The following CFAP20DC variants were observed in gnomAD, a reference collection of about 807,000 sequenced individuals.
The protein encoded by CFAP20DC is protein CFAP20DC.
In CFAP20DC, 84 loss-of-function variants were observed where a neutral mutation model predicts 101.7. That is an observed-to-expected ratio of 0.83 (90% CI 0.69 to 0.99). The LOEUF (loss-of-function observed/expected upper bound fraction) is 0.99, where lower values mean the gene tolerates loss of function less well. Ranked by LOEUF, CFAP20DC falls within the 50% of genes least tolerant of loss-of-function variation. CFAP20DC has a pLI of 0.00. For missense variants in CFAP20DC, 1,007 were observed against 970.3 expected, an observed-to-expected ratio of 1.04 and a Z score of -0.50; for synonymous variants, 359 against 351.2, an observed-to-expected ratio of 1.02 and a Z score of -0.25.
chr3:58,921,157 C>A (rs1250488619), intron 5 of CFAP20DC, among the ~76,000 whole-genome samples: 1 of 151,760 alleles, frequency 6.6e-6, no homozygotes. Context: ...CTTGATTAGT[C>A]TAGCTAGTGA....
intron 15 of CFAP20DC, among the ~76,000 whole-genome samples, chr3:58,787,934 C>G (rs2072509667): frequency 6.9e-6 from 1 of 143,898 alleles, no homozygotes; most frequent in Admixed American, 7.2e-5. Flanking sequence ...GGGAGTTGAA[C>G]AATGAGAACA....
At chr3:58,879,556 A>C (rs1428600022) in intron 7 of CFAP20DC, among the ~76,000 whole-genome samples, 2 of 152,230 alleles carry the variant, frequency 1.3e-5, no homozygotes, top group Non-Finnish European at 2.9e-5. Context: ...GCTCCTGGTA[A>C]GTACTAAGCA....
At chr3:58,854,617 G>A (rs1421388886) in intron 12 of CFAP20DC, among the ~76,000 whole-genome samples, 2 of 152,098 alleles carry the variant, frequency 1.3e-5, no homozygotes, top group African/African-American at 4.8e-5. Flanking sequence ...AAAACAGCAT[G>A]GTACTGGTAC....
At chr3:58,982,255 T>C (rs138498914) in intron 4 of CFAP20DC, among the ~76,000 whole-genome samples, 266 of 152,328 alleles carry the variant, frequency 1.7e-3, no homozygotes, top group African/African-American at 6.2e-3. Context: ...TTTACACTGT[T>C]GCTGGGACTG....
chr3:58,794,404 A>C, intron 15 of CFAP20DC: 2 of 442,910 alleles, frequency 4.5e-6, no homozygotes, highest in Non-Finnish European at 4.6e-6. Context: ...AATACACTAA[A>C]AGATGTTTGC....
rs192643360 is a variant in CFAP20DC, at chr3:58,836,697, C to A, written c.1972-4808G>T. Among the ~76,000 whole-genome samples, 13 of 151,950 alleles carry A rather than the reference C, an allele frequency of 8.6e-5. No homozygotes were observed. The East Asian group carries it at 2.5e-3, about 29-fold the overall frequency. On this transcript the variant is annotated intron_variant, in intron 13 of 16. Coordinates refer to ENST00000482387, the MANE Select transcript of CFAP20DC (RefSeq NM_001394063.1). ...TGTGACAGTGCCTGATAGTCATGGC[C>A]CAGGAGACATCATGTTGCAAAAACT...
intron 7 of CFAP20DC, among the ~76,000 whole-genome samples, chr3:58,878,238 A>G (rs974464885): frequency 6.6e-6 from 1 of 152,258 alleles, no homozygotes; most frequent in African/African-American, 2.4e-5. Context: ...AATTAAAACC[A>G]GAACGTAGCC....
intron 12 of CFAP20DC, among the ~76,000 whole-genome samples, chr3:58,856,701 A>G (rs2108404115): frequency 6.6e-6 from 1 of 152,304 alleles, no homozygotes; most frequent in South Asian, 2.1e-4. Flanking sequence ...AGAGATAAAG[A>G]ATAAAAGCTT....
chr3:58,816,760 A>G (rs1003579613), intron 14 of CFAP20DC, among the ~76,000 whole-genome samples: 44 of 152,290 alleles, frequency 2.9e-4, no homozygotes, highest in African/African-American at 8.9e-4. Context: ...CAAAGCAGCC[A>G]GGAAGCTCGA....
At chr3:59,009,614 G>T (rs1387601099) in intron 4 of CFAP20DC, among the ~76,000 whole-genome samples, 3 of 152,098 alleles carry the variant, frequency 2.0e-5, no homozygotes, top group Non-Finnish European at 4.4e-5. Context: ...TGTTCCCGAG[G>T]AAGAAGAGAA....
chr3:58,843,103 C>T (rs1006840166), intron 13 of CFAP20DC, among the ~76,000 whole-genome samples: 6 of 152,192 alleles, frequency 3.9e-5, no homozygotes, highest in African/African-American at 7.2e-5. Context: ...AAACGCAGAG[C>T]GCCTCTCTTC....
At chr3:58,756,015 G>C (rs2068924026) in intron 15 of CFAP20DC, among the ~76,000 whole-genome samples, 1 of 152,140 alleles carries the variant, frequency 6.6e-6, no homozygotes, top group Admixed American at 6.6e-5. Context: ...AAAAATGTAT[G>C]GGAATACAGC....
chr3:58,849,452 T>C (rs2078023481), intron 12 of CFAP20DC, 43 bp from the exon 13 acceptor site: 4 of 1,429,938 alleles, frequency 2.8e-6, no homozygotes, highest in Non-Finnish European at 3.7e-6. Context: ...AGCAGAAATT[T>C]GTGGTGAATA....
chr3:58,816,598 T>A (rs1395426224), intron 14 of CFAP20DC, among the ~76,000 whole-genome samples: 1 of 151,454 alleles, frequency 6.6e-6, no homozygotes, highest in Non-Finnish European at 1.5e-5. Context: ...TAAAAAACGG[T>A]GAACCACGAG....
chr3:58,997,701 A>G lies in CFAP20DC; in HGVS notation c.278+41856T>C, dbSNP rs76014643. On this transcript the variant is annotated intron_variant, in intron 4 of 16. Coordinates refer to ENST00000482387, the MANE Select transcript of CFAP20DC (RefSeq NM_001394063.1). Reference sequence around the variant, plus strand: ...GCTTGGAAGAATGAATGTGAGGATCAAAAAATTATTTTAAGGACCTCTAAG... The same window carrying G: ...GCTTGGAAGAATGAATGTGAGGATCGAAAAATTATTTTAAGGACCTCTAAG... 5.2e-3 allele frequency among the ~76,000 whole-genome samples: 795 copies of G among 152,312 alleles called. 5 individuals are homozygous for G. Among genetic ancestry groups the G allele is most frequent in the South Asian group, 0.015 (72 of 4,826 alleles).
chr3:58,796,005 T>A lies in CFAP20DC; in HGVS notation c.2237+10390A>T, dbSNP rs924156725. 5.3e-5 allele frequency among the ~76,000 whole-genome samples: 8 copies of A among 151,754 alleles called. No individual in the cohort carries two copies. The South Asian group carries it at 1.7e-3, about 32-fold the overall frequency. On this transcript the variant is annotated intron_variant, in intron 15 of 16. Transcript: ENST00000482387. ...GGTCCAGACACGAACATGGAGAGAGTGAAGACAAATAAATCTTGGGCAGGT... is the reference window on the plus strand; with the variant it reads ...GGTCCAGACACGAACATGGAGAGAGAGAAGACAAATAAATCTTGGGCAGGT...
At position 58,864,396 on chromosome 3, in the gene CFAP20DC, A is replaced by G. The variant is rs1336558564; in HGVS notation, c.1259-504T>C. Reference sequence around the variant, plus strand: ...ACACTCAACCCATACATCAGTGCCTATAGCTATGGGCAACTCATTTGCACT... The same window carrying G: ...ACACTCAACCCATACATCAGTGCCTGTAGCTATGGGCAACTCATTTGCACT... On this transcript the variant is annotated intron_variant, in intron 11 of 16. Transcript: ENST00000482387. The surrounding 1 kb of genome is among the most constrained non-coding windows in gnomAD (Gnocchi z 4.7). Among the ~76,000 whole-genome samples, 1 of 152,234 alleles carries G rather than the reference A, an allele frequency of 6.6e-6. No homozygotes were observed. Among genetic ancestry groups the G allele is most frequent in the Non-Finnish European group, 1.5e-5 (1 of 68,032 alleles).
intron 4 of CFAP20DC, among the ~76,000 whole-genome samples, chr3:58,941,150 G>A (rs114120882): frequency 0.054 from 8,136 of 151,222 alleles, 302 homozygotes; most frequent in Admixed American, 0.083. Context: ...TCAACATGGT[G>A]AAACCTCGTC....
At chr3:58,891,231 C>G (rs377204147) in intron 6 of CFAP20DC, among the ~76,000 whole-genome samples, 4 of 152,020 alleles carry the variant, frequency 2.6e-5, no homozygotes, top group Admixed American at 6.5e-5. Flanking sequence ...GAGACCGGCC[C>G]GGCCAACACA....
Sources: allele counts gnomAD v4.1 joint callset (sites outside exome capture counted in the v4.1 genomes callset), GRCh38; gene constraint gnomAD v4.1.1; non-coding constraint Gnocchi (gnomAD v3.1); transcripts MANE v1.5; gene names NCBI Gene and HGNC (gene_info 2026-07-23, HGNC 2026-07-21).